Variants in SV2B observed in about 807,000 individuals in gnomAD.
SV2B encodes the protein synaptic vesicle glycoprotein 2B.
In SV2B, 41 loss-of-function variants were observed where a neutral mutation model predicts 73.9. The observed-to-expected ratio is 0.56, with a 90% CI of 0.43 to 0.72. The LOEUF (loss-of-function observed/expected upper bound fraction) is 0.72, where lower values mean the gene tolerates loss of function less well. Among genes scored for constraint, SV2B ranks in the 30% least tolerant of loss-of-function variants. The probability of loss-of-function intolerance (pLI) is 0.00; values close to 1 mark genes in which losing one functional copy is unlikely to be tolerated. For synonymous variants in SV2B, 314 were observed against 314.2 expected (o/e 1.00, Z 0.01); for missense variants, 764 against 857.8 (o/e 0.89, Z 1.37).
rs778021448 is a variant in SV2B, at chr15:91,289,666, T to C, written c.1854T>C (p.Tyr618=). ...TGGATGTGATCACAGTGGAGCTGTA[T>C]CCCACCAACCAGAGGTCAGTTCTTC... ...NALDVITVEL[Y]PTNQRATAFG... is the part of the protein sequence containing the mutation. The change falls in exon 12 of 13, where the codon TAT becomes TAC. Residue 618 remains tyrosine (Y), a synonymous_variant. Coordinates refer to ENST00000394232, the MANE Select transcript of SV2B (RefSeq NM_001323032.3). The surrounding 1 kb of genome is among the most constrained non-coding windows in gnomAD (Gnocchi z 4.9). 76 of 1,613,068 alleles carry C rather than the reference T, an allele frequency of 4.7e-5. No individual in the cohort carries two copies. The highest frequency in any genetic ancestry group is 5.8e-5 in the Non-Finnish European group (68 of 1,179,878).
rs1010967008 is a variant in SV2B at position 91,214,470 on chromosome 15, A to G, written c.-391-11403A>G. Among the ~76,000 whole-genome samples, 1 of 152,218 alleles carries G rather than the reference A, an allele frequency of 6.6e-6. No individual in the cohort carries two copies. Among genetic ancestry groups the G allele is most frequent in the Non-Finnish European group, 1.5e-5 (1 of 68,040 alleles). ...CATTTTGAAAATGTTAACTCATTTAATTCTCATAACAATGCAATGAATAGG... is the reference window on the plus strand; with the variant it reads ...CATTTTGAAAATGTTAACTCATTTAGTTCTCATAACAATGCAATGAATAGG... On this transcript the variant is annotated intron_variant, in intron 1 of 12. Coordinates refer to ENST00000394232, the MANE Select transcript of SV2B (RefSeq NM_001323032.3). This position sits in a 1 kb window ranked among gnomAD's most constrained non-coding sequence, Gnocchi z 4.7.
In SV2B at chr15:91,291,471, G is replaced by GATTC. The variant is rs1271721096; in HGVS notation, c.1869-897_1869-896insTTCA. Among the ~76,000 whole-genome samples, 37 of 152,274 alleles carry GATTC rather than the reference G, an allele frequency of 2.4e-4. 1 individual carries two copies. The East Asian group carries it at 6.8e-3, about 28-fold the overall frequency. ...AAAGAAACGCTTTATTTCAGTTGGG[G>GATTC]AGAGGTAGCATTGGGAATATTGCCT... On this transcript the variant is annotated intron_variant, in intron 12 of 12. Coordinates refer to ENST00000394232, the MANE Select transcript of SV2B (RefSeq NM_001323032.3).
intron 4 of SV2B, among the ~76,000 whole-genome samples, chr15:91,256,355 G>A (rs1025603153): frequency 9.2e-5 from 14 of 152,184 alleles, no homozygotes; most frequent in South Asian, 2.1e-4. Flanking sequence ...CCATAGAGGC[G>A]TGAAGGAATA....
At chr15:91,147,162 C>A (rs2043170015) in intron 1 of SV2B, among the ~76,000 whole-genome samples, 1 of 152,234 alleles carries the variant, frequency 6.6e-6, no homozygotes, top group Admixed American at 6.5e-5. Flanking sequence ...TAGCCTTAAA[C>A]TCTTCACATG....
chr15:91,197,305 C>T lies in SV2B; in HGVS notation c.-391-28568C>T, dbSNP rs1031357745. On this transcript the variant is annotated intron_variant, in intron 1 of 12. Coordinates refer to ENST00000394232, the MANE Select transcript of SV2B (RefSeq NM_001323032.3). The surrounding 1 kb of genome is among the most constrained non-coding windows in gnomAD (Gnocchi z 4.9). Reference sequence around the variant, plus strand: ...GTGCAATGGCATGATCTCAGCTCACCGCAACCTCTGCTTCCTGGGTTCAAG... The same window carrying T: ...GTGCAATGGCATGATCTCAGCTCACTGCAACCTCTGCTTCCTGGGTTCAAG... Among the ~76,000 whole-genome samples the T allele has an allele frequency of 2.6e-5, 4 of 151,876 alleles. No individual in the cohort carries two copies. The highest frequency in any genetic ancestry group is 6.6e-5 in the Admixed American group (1 of 15,256).
chr15:91,200,765 G>T (rs1174616154), intron 1 of SV2B, among the ~76,000 whole-genome samples: 1 of 152,046 alleles, frequency 6.6e-6, no homozygotes, highest in African/African-American at 2.4e-5. Context: ...AAAAAAATTA[G>T]TCAGGCATGG....
At chr15:91,147,955 C>A (rs79040526) in intron 1 of SV2B, among the ~76,000 whole-genome samples, 5 of 143,560 alleles carry the variant, frequency 3.5e-5, no homozygotes, top group Admixed American at 1.4e-4. Context: ...CCACCCCGCA[C>A]CCCCCCCAAC....
chr15:91,153,012 C>G (rs1473042436), intron 1 of SV2B, among the ~76,000 whole-genome samples: 7 of 152,084 alleles, frequency 4.6e-5, no homozygotes, highest in Non-Finnish European at 1.0e-4. Flanking sequence ...CTAGTTGGTG[C>G]CTTCCAAGAT....
intron 9 of SV2B, among the ~76,000 whole-genome samples, chr15:91,278,416 G>A (rs796206186): frequency 3.9e-5 from 6 of 151,962 alleles, no homozygotes; most frequent in Non-Finnish European, 7.4e-5. Context: ...TACACATCAC[G>A]CCTGTAATCC....
At chr15:91,158,155 A>T (rs368403060) in intron 1 of SV2B, among the ~76,000 whole-genome samples, 5 of 152,194 alleles carry the variant, frequency 3.3e-5, no homozygotes, top group African/African-American at 1.2e-4. Flanking sequence ...TGGTGTTGGG[A>T]GATGGGGCCT....
In SV2B at chr15:91,290,550, A is replaced by T. The variant is rs1313216418; in HGVS notation, c.1868+870A>T. Among the ~76,000 whole-genome samples, 62 of 152,248 alleles carry T rather than the reference A, an allele frequency of 4.1e-4. 1 individual carries two copies. Among genetic ancestry groups the T allele is most frequent in the Non-Finnish European group, 7.3e-5 (5 of 68,036 alleles). Reference sequence around the variant, plus strand: ...CTATAGACAAAAAGACAATGTGGTCAGGTGGTCAGTAATAAAACGAAATTA... The same window carrying T: ...CTATAGACAAAAAGACAATGTGGTCTGGTGGTCAGTAATAAAACGAAATTA... On this transcript the variant is annotated intron_variant, in intron 12 of 12. Coordinates refer to ENST00000394232, the MANE Select transcript of SV2B (RefSeq NM_001323032.3). This position sits in a 1 kb window ranked among gnomAD's most constrained non-coding sequence, Gnocchi z 4.7.
chr15:91,199,041 G>A (rs1379779508), intron 1 of SV2B, among the ~76,000 whole-genome samples: 2 of 151,974 alleles, frequency 1.3e-5, no homozygotes, highest in African/African-American at 2.4e-5. Context: ...TTTAGAGATG[G>A]GGTATCCTTA....
At position 91,129,382 on chromosome 15, in the gene SV2B, A is replaced by G. The variant is rs1239786074; in HGVS notation, c.-392+29019A>G. ...GGTATACGTAAAATGCAGGGTTGTGATGAAGGGGGAGAAATCAATTGTCCG... is the reference window on the plus strand; with the variant it reads ...GGTATACGTAAAATGCAGGGTTGTGGTGAAGGGGGAGAAATCAATTGTCCG... On this transcript the variant is annotated intron_variant, in intron 1 of 12. Transcript: ENST00000394232. This position sits in a 1 kb window ranked among gnomAD's most constrained non-coding sequence, Gnocchi z 5.1. 6.6e-6 allele frequency among the ~76,000 whole-genome samples: 1 copy of G among 152,218 alleles called. No individual in the cohort carries two copies. Among genetic ancestry groups the G allele is most frequent in the Admixed American group, 6.5e-5 (1 of 15,274 alleles).
Position 91,229,878 on chromosome 15 carries a change from G to A in SV2B, c.451+3164G>A, listed in dbSNP as rs532702184. Among the ~76,000 whole-genome samples, 4 of 152,312 alleles carry A rather than the reference G, an allele frequency of 2.6e-5. No homozygotes were observed. Among genetic ancestry groups the A allele is most frequent in the Admixed American group, 6.5e-5 (1 of 15,302 alleles). ...GTCAAGCTATCCTGCCTCAGCTGGCGAAAAGGCTGTTTATGTTTGAGTGCT... is the reference window on the plus strand; with the variant it reads ...GTCAAGCTATCCTGCCTCAGCTGGCAAAAAGGCTGTTTATGTTTGAGTGCT... On this transcript the variant is annotated intron_variant, in intron 2 of 12. Transcript: ENST00000394232. This position sits in a 1 kb window ranked among gnomAD's most constrained non-coding sequence, Gnocchi z 4.3.
In SV2B at chr15:91,280,756, T is replaced by C. The variant is rs2048657874; in HGVS notation, c.1374-972T>C. 6.6e-6 allele frequency among the ~76,000 whole-genome samples: 1 copy of C among 152,222 alleles called. No individual in the cohort carries two copies. The highest frequency in any genetic ancestry group is 1.5e-5 in the Non-Finnish European group (1 of 68,038). On this transcript the variant is annotated intron_variant, in intron 9 of 12. Coordinates refer to ENST00000394232, the MANE Select transcript of SV2B (RefSeq NM_001323032.3). The surrounding 1 kb of genome is among the most constrained non-coding windows in gnomAD (Gnocchi z 5.8). ...TTTTTAACTGAGTTTTAAAAAAAAG[T>C]GAACACATAATACATACGCTTGGCA...
intron 1 of SV2B, 72 bp from the exon 2 acceptor site, chr15:91,225,801 T>C (rs2046355573): frequency 5.9e-6 from 1 of 169,704 alleles, no homozygotes. Context: ...ATATATTGGC[T>C]TAATTCTGAG....
In SV2B at chr15:91,130,614, G is replaced by A. The variant is rs1375837032; in HGVS notation, c.-392+30251G>A. Among the ~76,000 whole-genome samples the A allele has an allele frequency of 2.6e-5, 4 of 152,084 alleles. No individual in the cohort carries two copies. Among genetic ancestry groups the A allele is most frequent in the East Asian group, 1.9e-4 (1 of 5,188 alleles). Reference sequence around the variant, plus strand: ...GGGGTCTGACCAAGTAGGTGTTCACGGAGGACAGGGACCAAGAGGAAGCTC... The same window carrying A: ...GGGGTCTGACCAAGTAGGTGTTCACAGAGGACAGGGACCAAGAGGAAGCTC... On this transcript the variant is annotated intron_variant, in intron 1 of 12. Transcript: ENST00000394232. The surrounding 1 kb of genome is among the most constrained non-coding windows in gnomAD (Gnocchi z 5.6).
chr15:91,215,377 G>A (rs528484515), intron 1 of SV2B, among the ~76,000 whole-genome samples: 112 of 152,276 alleles, frequency 7.4e-4, no homozygotes, highest in African/African-American at 2.5e-3. Context: ...AGCAGTTTTG[G>A]AATGGGAGCC....
In SV2B at chr15:91,288,079, G is replaced by C. The variant is rs549496818; in HGVS notation, c.1709-1442G>C. Among the ~76,000 whole-genome samples the C allele has an allele frequency of 4.9e-4, 74 of 152,214 alleles. 1 individual carries two copies. Among genetic ancestry groups the C allele is most frequent in the African/African-American group, 1.7e-3 (71 of 41,534 alleles). On this transcript the variant is annotated intron_variant, in intron 11 of 12. Coordinates refer to ENST00000394232, the MANE Select transcript of SV2B (RefSeq NM_001323032.3). This position sits in a 1 kb window ranked among gnomAD's most constrained non-coding sequence, Gnocchi z 5.8. ...CATGGGGTTAGCGTGTAGAGGGTAT[G>C]TACAGAGCACATGTACAGAGGATAG...
Sources: gnomAD v4.1 joint callset for allele counts (sites outside exome capture counted in the v4.1 genomes callset) on GRCh38, gnomAD v4.1.1 for gene constraint, Gnocchi (gnomAD v3.1) non-coding constraint, MANE v1.5 for transcripts, NCBI Gene and HGNC (gene_info 2026-07-23, HGNC 2026-07-21) for gene names.